Variants in FBXL20 observed in about 807,000 individuals in gnomAD.
The protein encoded by FBXL20 is F-box/LRR-repeat protein 20.
FBXL20 carries 11 observed loss-of-function variants against 64.0 expected under a neutral mutation model. That is an observed-to-expected ratio of 0.17 (90% CI 0.11 to 0.28). FBXL20 has a LOEUF of 0.28. Ranked by LOEUF, FBXL20 falls within the 10% of genes least tolerant of loss-of-function variation. The pLI is 1.00. For synonymous variants in FBXL20, 184 were observed against 189.0 expected (o/e 0.97, Z 0.22); for missense variants, 303 against 526.2 (o/e 0.58, Z 4.15).
chr17:39,379,500 T>G (rs369896338), intron 1 of FBXL20, among the ~76,000 whole-genome samples: 3 of 112,894 alleles, frequency 2.7e-5, no homozygotes, highest in African/African-American at 4.3e-5. Context: ...AAAAAAAAAC[T>G]GGCCAGGCAC....
chr17:39,296,032 C>T (rs2047082503), intron 6 of FBXL20, among the ~76,000 whole-genome samples: 1 of 152,034 alleles, frequency 6.6e-6, no homozygotes, highest in African/African-American at 2.4e-5. Flanking sequence ...TTCACCAATG[C>T]ATCTTGAGGA....
chr17:39,264,429 T>C lies in FBXL20; in HGVS notation c.991-42A>G, dbSNP rs746446903. 3 of 1,598,594 alleles carry C rather than the reference T, an allele frequency of 1.9e-6. 1 individual carries two copies. The highest frequency in any genetic ancestry group is 2.2e-5 in the South Asian group (2 of 90,494). On this transcript the variant is annotated intron_variant, in intron 13 of 14. Transcript: ENST00000264658. The stretch of plus-strand genomic sequence containing the variant: ...CAAGGAAGGATGTTGAAATATCTTC[T>C]GGCATTCCTCTAGCCAGAGGCTTGT...
intron 2 of FBXL20, among the ~76,000 whole-genome samples, chr17:39,335,475 T>C (rs532817158): frequency 6.7e-6 from 1 of 148,744 alleles, no homozygotes; most frequent in African/African-American, 2.5e-5. Flanking sequence ...CCTAGCTACT[T>C]GGGAGGCTGA....
In FBXL20 at chr17:39,254,841, T is replaced by C. The variant is rs542263017; in HGVS notation, c.*6619A>G. 3.9e-4 allele frequency: 60 copies of C among 154,208 alleles called. No homozygotes were observed. The highest frequency in any genetic ancestry group is 1.4e-3 in the African/African-American group (59 of 41,638). 9.6% of individuals were successfully genotyped at this position (154,208 alleles called of 1,614,324 possible). The stretch of plus-strand genomic sequence containing the variant: ...AAAACAGAAAGGACTATTGATAGGA[T>C]TTTGCTTGTTCATGGTTCTTTGTAA... On this transcript the variant is annotated 3_prime_UTR_variant, in exon 15 of 15. Coordinates refer to ENST00000264658, the MANE Select transcript of FBXL20 (RefSeq NM_032875.3).
Position 39,304,782 on chromosome 17 carries a change from TTTTG to T in FBXL20, c.105-1147_105-1144del, listed in dbSNP as rs565915270. 1.3e-4 allele frequency among the ~76,000 whole-genome samples: 20 copies of T among 152,176 alleles called. No individual in the cohort carries two copies. The South Asian group carries it at 1.5e-3, about 11-fold the overall frequency. ...AATTTTTTTTTGTTGTTGTTGTTCT[TTTTG>T]TTTGTTTGTTTTTTTGAGAGAGACT... On this transcript the variant is annotated intron_variant, in intron 2 of 14. Transcript: ENST00000264658.
intron 6 of FBXL20, among the ~76,000 whole-genome samples, chr17:39,294,897 A>G (rs1294474304): frequency 6.6e-6 from 1 of 152,198 alleles, no homozygotes; most frequent in Non-Finnish European, 1.5e-5. Context: ...CTGTAATCCC[A>G]GGTACTCAGG....
intron 1 of FBXL20, among the ~76,000 whole-genome samples, chr17:39,343,576 C>T (rs1395526020): frequency 6.6e-6 from 1 of 152,120 alleles, no homozygotes; most frequent in Non-Finnish European, 1.5e-5. Flanking sequence ...CAAAGGTCTA[C>T]TGCTCAGAGT....
chr17:39,300,937 G>A, intron 4 of FBXL20, 64 bp downstream of exon 4: 2 of 1,449,442 alleles, frequency 1.4e-6, no homozygotes, highest in African/African-American at 1.4e-5. Flanking sequence ...TATGGCTAGG[G>A]CTAATCTGTT....
chr17:39,374,934 G>A (rs1034845407), intron 1 of FBXL20, among the ~76,000 whole-genome samples: 9 of 152,010 alleles, frequency 5.9e-5, no homozygotes, highest in Non-Finnish European at 8.8e-5. Flanking sequence ...CTACAGGCGC[G>A]TGCCACCACA....
intron 6 of FBXL20, among the ~76,000 whole-genome samples, chr17:39,286,107 G>A (rs1334930822): frequency 6.6e-6 from 1 of 152,036 alleles, no homozygotes; most frequent in African/African-American, 2.4e-5. Context: ...TTTTTCTGCT[G>A]GTCAAGTTCT....
chr17:39,273,840 A>G (rs1312183206), intron 10 of FBXL20, among the ~76,000 whole-genome samples: 2 of 147,534 alleles, frequency 1.4e-5, no homozygotes, highest in Non-Finnish European at 1.5e-5. Context: ...AAAAAAGGCG[A>G]TAATAGTGCT....
At chr17:39,375,320 T>A (rs540062686) in intron 1 of FBXL20, among the ~76,000 whole-genome samples, 1 of 152,104 alleles carries the variant, frequency 6.6e-6, no homozygotes, top group East Asian at 1.9e-4. Context: ...AAACCTCCAA[T>A]CAAACATGTA....
chr17:39,401,183 G>A (rs1476204325), intron 1 of FBXL20, among the ~76,000 whole-genome samples, 178 bp downstream of exon 1: 2 of 152,192 alleles, frequency 1.3e-5, no homozygotes, highest in Non-Finnish European at 2.9e-5. Context: ...GAGGGGACTG[G>A]GGGCACCGGG....
chr17:39,298,646 C>T (rs1235555576), intron 5 of FBXL20, among the ~76,000 whole-genome samples: 1 of 152,070 alleles, frequency 6.6e-6, no homozygotes, highest in Admixed American at 6.6e-5. Context: ...TCCAGGAGTT[C>T]AAGACTATAG....
At chr17:39,290,800 C>G (rs2047030780) in intron 6 of FBXL20, among the ~76,000 whole-genome samples, 1 of 152,114 alleles carries the variant, frequency 6.6e-6, no homozygotes, top group Non-Finnish European at 1.5e-5. Context: ...TGGGTGCAAG[C>G]AACCCTCCTG....
At chr17:39,380,074 C>G (rs185662493) in intron 1 of FBXL20, among the ~76,000 whole-genome samples, 38 of 152,230 alleles carry the variant, frequency 2.5e-4, no homozygotes, top group African/African-American at 9.1e-4. Context: ...CTATAATCAA[C>G]TTGATGCAAA....
chr17:39,280,151 G>A (rs761666402), intron 9 of FBXL20, among the ~76,000 whole-genome samples: 6 of 150,886 alleles, frequency 4.0e-5, no homozygotes, highest in African/African-American at 1.5e-4. Flanking sequence ...AAGAAGAATC[G>A]CTTGAACCTG....
At chr17:39,321,413 C>T (rs937384094) in intron 2 of FBXL20, among the ~76,000 whole-genome samples, 3 of 149,424 alleles carry the variant, frequency 2.0e-5, no homozygotes, top group African/African-American at 7.5e-5. Context: ...TTGCAGTGAG[C>T]CAAGATTGCA....
intron 1 of FBXL20, among the ~76,000 whole-genome samples, chr17:39,378,039 A>C (rs2144648964): frequency 6.6e-6 from 1 of 152,232 alleles, no homozygotes; most frequent in South Asian, 2.1e-4. Context: ...CCAACCAAAA[A>C]AAGGACAGAG....
Sources: gnomAD v4.1 joint callset for allele counts (sites outside exome capture counted in the v4.1 genomes callset) on GRCh38, gnomAD v4.1.1 for gene constraint, MANE v1.5 for transcripts, NCBI Gene and HGNC (gene_info 2026-07-23, HGNC 2026-07-21) for gene names.